DCAF5: variants seen among roughly 807,000 people sequenced by gnomAD.
The protein encoded by DCAF5 is DDB1- and CUL4-associated factor 5.
A neutral mutation model predicts 80.7 loss-of-function variants in DCAF5; 9 were observed. That is an observed-to-expected ratio of 0.11 (90% CI 0.07 to 0.19). The LOEUF (loss-of-function observed/expected upper bound fraction) is 0.19, where lower values mean the gene tolerates loss of function less well. Ranked by LOEUF, DCAF5 falls within the 10% of genes least tolerant of loss-of-function variation. DCAF5 has a pLI of 1.00. For missense variants in DCAF5, 842 were observed against 1,205.7 expected (o/e 0.70, Z 4.47); for synonymous variants, 433 against 461.9 (o/e 0.94, Z 0.80).
At chr14:69,078,877 T>C (rs1162261971) in intron 6 of DCAF5, among the ~76,000 whole-genome samples, 1 of 152,148 alleles carries the variant, frequency 6.6e-6, no homozygotes, top group East Asian at 1.9e-4. Flanking sequence ...ATGTACACTT[T>C]TTTTTTTGAG....
At position 69,118,374 on chromosome 14, in the gene DCAF5, T is replaced by C; in HGVS notation, c.396-96A>G. ...GTACCGAGGGTGCCATCTTTTCCAT[T>C]TCTAGAAGAAAGTCAACCTAGCTAA... On this transcript the variant is annotated intron_variant, in intron 3 of 8. Coordinates refer to ENST00000341516, the MANE Select transcript of DCAF5 (RefSeq NM_003861.3). This position sits in a 1 kb window ranked among gnomAD's most constrained non-coding sequence, Gnocchi z 4.0. The C allele has an allele frequency of 7.3e-7, 1 of 1,362,924 alleles. No individual in the cohort carries two copies. Among genetic ancestry groups the C allele is most frequent in the East Asian group, 2.4e-5 (1 of 42,110 alleles). The allele number at this position is 1,362,924 out of a possible 1,614,324, so 84.4% of individuals were successfully genotyped here. A position where few individuals can be genotyped will look rare whatever the true frequency, so the allele number is the denominator to read the frequency against.
intron 8 of DCAF5, among the ~76,000 whole-genome samples, chr14:69,057,847 C>G (rs757300278): frequency 6.6e-6 from 1 of 152,180 alleles, no homozygotes; most frequent in Non-Finnish European, 1.5e-5. Flanking sequence ...TCCAGACACA[C>G]AGTACAGCAC....
intron 1 of DCAF5, among the ~76,000 whole-genome samples, chr14:69,148,028 C>T (rs181009537): frequency 6.9e-6 from 1 of 144,868 alleles, no homozygotes; most frequent in East Asian, 2.0e-4. Flanking sequence ...AGTAACAATC[C>T]AAGTCAAATG....
At chr14:69,135,954 G>T (rs1332066576) in intron 1 of DCAF5, among the ~76,000 whole-genome samples, 1 of 152,146 alleles carries the variant, frequency 6.6e-6, no homozygotes, top group East Asian at 1.9e-4. Flanking sequence ...ATGTAACAAT[G>T]TAACAGGCTA....
At chr14:69,093,243 A>G (rs574169207) in intron 5 of DCAF5, among the ~76,000 whole-genome samples, 5 of 152,322 alleles carry the variant, frequency 3.3e-5, no homozygotes, top group African/African-American at 9.6e-5. Context: ...AGTGAAGTAT[A>G]TATGTTGGGG....
chr14:69,086,012 C>T (rs2039305062), intron 6 of DCAF5, among the ~76,000 whole-genome samples: 1 of 152,130 alleles, frequency 6.6e-6, no homozygotes, highest in South Asian at 2.1e-4. Flanking sequence ...CTCAGTTTCA[C>T]GTGAGGATAA....
intron 1 of DCAF5, among the ~76,000 whole-genome samples, chr14:69,123,220 G>GTTTATACAA (rs1271036690): frequency 6.6e-6 from 1 of 152,190 alleles, no homozygotes; most frequent in African/African-American, 2.4e-5. Flanking sequence ...GGGGGAAAAT[G>GTTTATACAA]AGGTATAAAA....
intron 1 of DCAF5, among the ~76,000 whole-genome samples, chr14:69,151,501 G>T (rs914703986): frequency 3.3e-5 from 5 of 152,198 alleles, no homozygotes; most frequent in Non-Finnish European, 7.3e-5. Context: ...TAAGCGCCAC[G>T]TCCAGCGCTG....
At chr14:69,062,081 T>A (rs1186990075) in intron 8 of DCAF5, among the ~76,000 whole-genome samples, 2 of 152,004 alleles carry the variant, frequency 1.3e-5, no homozygotes, top group Non-Finnish European at 2.9e-5. Context: ...TATTTATTTT[T>A]ATTTTTTATT....
chr14:69,058,115 C>T (rs2038046356), intron 8 of DCAF5, among the ~76,000 whole-genome samples: 2 of 152,160 alleles, frequency 1.3e-5, no homozygotes, highest in South Asian at 4.1e-4. Flanking sequence ...TGGTCCTAAT[C>T]CTTAGTATTA....
chr14:69,109,727 G>C (rs2040289982), intron 5 of DCAF5, among the ~76,000 whole-genome samples: 1 of 152,010 alleles, frequency 6.6e-6, no homozygotes, highest in South Asian at 2.1e-4. Flanking sequence ...ATTTTCTTTT[G>C]ATGGATATTT....
At chr14:69,139,404 G>A (rs377382340) in intron 1 of DCAF5, among the ~76,000 whole-genome samples, 67 of 152,064 alleles carry the variant, frequency 4.4e-4, no homozygotes, top group African/African-American at 1.6e-3. Flanking sequence ...GGAGGCTGAG[G>A]CAGGAGGATC....
Position 69,105,945 on chromosome 14 carries a change from A to C in DCAF5, c.665+10421T>G, listed in dbSNP as rs1045783029. Among the ~76,000 whole-genome samples the C allele has an allele frequency of 1.1e-4, 7 of 66,664 alleles. No homozygotes were observed. In the South Asian group the frequency reaches 1.1e-3, roughly 10 times the overall value. The allele number at this position is 66,664 out of a possible 152,430, so 43.7% of individuals were successfully genotyped here. A position where few individuals can be genotyped will look rare whatever the true frequency, so the allele number is the denominator to read the frequency against. ...TATATATATATATATATATATATAT[A>C]TCTCCTATTGGTTCTGTTCCTCTGG... On this transcript the variant is annotated intron_variant, in intron 5 of 8. Coordinates refer to ENST00000341516, the MANE Select transcript of DCAF5 (RefSeq NM_003861.3).
intron 8 of DCAF5, among the ~76,000 whole-genome samples, chr14:69,060,893 T>C (rs2038188302): frequency 6.6e-6 from 1 of 151,970 alleles, no homozygotes; most frequent in East Asian, 1.9e-4. Context: ...TAGCTCTGGA[T>C]AGTTATTTTT....
intron 6 of DCAF5, chr14:69,091,095 C>T: frequency 1.3e-6 from 1 of 757,582 alleles, no homozygotes. Context: ...ATCTCCATTC[C>T]TGGTGAGACT....
chr14:69,108,033 A>G (rs1595011955), intron 5 of DCAF5, among the ~76,000 whole-genome samples: 1 of 152,226 alleles, frequency 6.6e-6, no homozygotes, highest in Non-Finnish European at 1.5e-5. Flanking sequence ...GAAATCAAAG[A>G]CAAATACTGG....
At chr14:69,080,179 T>C (rs1047363541) in intron 6 of DCAF5, among the ~76,000 whole-genome samples, 1 of 152,178 alleles carries the variant, frequency 6.6e-6, no homozygotes, top group African/African-American at 2.4e-5. Flanking sequence ...GAGATACATT[T>C]ACTATCATAA....
At chr14:69,082,738 C>CTTCA (rs1247217069) in intron 6 of DCAF5, among the ~76,000 whole-genome samples, 1 of 152,126 alleles carries the variant, frequency 6.6e-6, no homozygotes, top group Non-Finnish European at 1.5e-5. Context: ...TATTTATACT[C>CTTCA]TTCATTCAAG....
chr14:69,145,648 TCA>T (rs1406022326), intron 1 of DCAF5, among the ~76,000 whole-genome samples: 1 of 147,556 alleles, frequency 6.8e-6, no homozygotes, highest in Non-Finnish European at 1.5e-5. Context: ...AAATTAATAT[TCA>T]GTTATTTTAT....
Sources: allele counts gnomAD v4.1 joint callset (sites outside exome capture counted in the v4.1 genomes callset), GRCh38; gene constraint gnomAD v4.1.1; non-coding constraint Gnocchi (gnomAD v3.1); transcripts MANE v1.5; gene names NCBI Gene and HGNC (gene_info 2026-07-23, HGNC 2026-07-21).